Variants in CFAP77 observed in about 807,000 individuals in gnomAD.
The protein encoded by CFAP77 is cilia and flagella associated protein 77.
A neutral mutation model predicts 31.1 loss-of-function variants in CFAP77; 25 were observed. The observed-to-expected ratio is 0.80, with a 90% CI of 0.59 to 1.12. The LOEUF is 1.12. Ranked by LOEUF, CFAP77 falls within the 50% of genes most tolerant of loss-of-function variation. The probability of loss-of-function intolerance (pLI) is 0.00; values close to 1 mark genes in which losing one functional copy is unlikely to be tolerated. For synonymous variants in CFAP77, 151 were observed against 159.9 expected, an observed-to-expected ratio of 0.94 and a Z score of 0.42; for missense variants, 377 against 397.3, an observed-to-expected ratio of 0.95 and a Z score of 0.44.
intron 3 of CFAP77, among the ~76,000 whole-genome samples, chr9:132,515,840 G>C (rs924874212): frequency 1.3e-5 from 2 of 151,118 alleles, no homozygotes; most frequent in Admixed American, 6.6e-5. Flanking sequence ...TTTCTCCGTC[G>C]GTCAGTGGGA....
chr9:132,484,382 A>G (rs540268854), intron 1 of CFAP77, among the ~76,000 whole-genome samples: 1 of 152,344 alleles, frequency 6.6e-6, no homozygotes, highest in East Asian at 1.9e-4. Flanking sequence ...CCCAAAAGGA[A>G]GCTCTGTACC....
chr9:132,496,197 C>A (rs1029954862), intron 1 of CFAP77, among the ~76,000 whole-genome samples: 3 of 149,860 alleles, frequency 2.0e-5, no homozygotes, highest in African/African-American at 7.6e-5. Flanking sequence ...AATATAAAGT[C>A]TATTTTTTTA....
chr9:132,561,319 T>G (rs950161113), intron 5 of CFAP77, among the ~76,000 whole-genome samples: 20 of 151,942 alleles, frequency 1.3e-4, no homozygotes, highest in African/African-American at 4.8e-4. Context: ...TGTCATTATT[T>G]TTTTTTTTTA....
intron 1 of CFAP77, among the ~76,000 whole-genome samples, chr9:132,482,758 C>G (rs1851470196): frequency 1.6e-5 from 2 of 125,138 alleles, no homozygotes; most frequent in Non-Finnish European, 3.1e-5. Context: ...TTCTTAAGAA[C>G]ACATGGACAC....
intron 5 of CFAP77, among the ~76,000 whole-genome samples, chr9:132,544,946 C>T (rs1182049658): frequency 6.6e-6 from 1 of 152,104 alleles, no homozygotes; most frequent in African/African-American, 2.4e-5. Flanking sequence ...GCCCCCTCCT[C>T]TCTGATTTAG....
In CFAP77 at chr9:132,481,969, G is replaced by A. The variant is rs114337785; in HGVS notation, c.196-16726G>A. Among the ~76,000 whole-genome samples, 28,485 of 148,150 alleles carry A rather than the reference G, an allele frequency of 0.19. 3,746 individuals are homozygous for A. The highest frequency in any genetic ancestry group is 0.32 in the African/African-American group (12,895 of 40,054). On this transcript the variant is annotated intron_variant, in intron 1 of 5. Coordinates refer to ENST00000393216, the MANE Select transcript of CFAP77 (RefSeq NM_001282957.2). This position sits in a 1 kb window ranked among gnomAD's most constrained non-coding sequence, Gnocchi z 5.0. The stretch of plus-strand genomic sequence containing the variant: ...ACAAGGGTTTATGGTTGGGGGGGGG[G>A]GGGGCGGCGGAACACTGAACATTTT...
intron 3 of CFAP77, among the ~76,000 whole-genome samples, chr9:132,518,312 A>G (rs1210358981): frequency 1.3e-5 from 2 of 152,142 alleles, no homozygotes; most frequent in Non-Finnish European, 2.9e-5. Flanking sequence ...GCACAGCTTG[A>G]CCAAGCTACC....
chr9:132,508,576 T>A (rs1490667092), intron 3 of CFAP77, among the ~76,000 whole-genome samples: 3 of 151,896 alleles, frequency 2.0e-5, no homozygotes, highest in African/African-American at 7.3e-5. Context: ...GCCCTGGGAT[T>A]AGGACAGTGG....
At chr9:132,534,098 A>G (rs1351152273) in intron 3 of CFAP77, among the ~76,000 whole-genome samples, 1 of 152,148 alleles carries the variant, frequency 6.6e-6, no homozygotes, top group Admixed American at 6.6e-5. Context: ...TATATTTACC[A>G]CAATAATAAA....
intron 1 of CFAP77, among the ~76,000 whole-genome samples, chr9:132,460,812 G>A (rs1409532785): frequency 1.3e-5 from 2 of 152,198 alleles, no homozygotes; most frequent in East Asian, 1.9e-4. Context: ...TGCAACCTCC[G>A]CCTCCTGGGT....
chr9:132,563,736 C>T (rs912012212), intron 5 of CFAP77, among the ~76,000 whole-genome samples: 4 of 152,186 alleles, frequency 2.6e-5, no homozygotes, highest in African/African-American at 9.7e-5. Context: ...TGAACACACT[C>T]GCTGGTAGTG....
At chr9:132,500,453 G>A (rs1393845412) in intron 3 of CFAP77, among the ~76,000 whole-genome samples, 1 of 152,228 alleles carries the variant, frequency 6.6e-6, no homozygotes, top group African/African-American at 2.4e-5. Flanking sequence ...ATTAGCTACT[G>A]TTCATGTTAA....
At chr9:132,451,837 C>T (rs1850833351) in intron 1 of CFAP77, among the ~76,000 whole-genome samples, 1 of 150,402 alleles carries the variant, frequency 6.6e-6, no homozygotes, top group Non-Finnish European at 1.5e-5. Context: ...AGGAGTCTCA[C>T]TCTGTCGCCT....
In CFAP77 at chr9:132,440,271, C is replaced by T. The variant is rs181118404; in HGVS notation, c.195+29805C>T. On this transcript the variant is annotated intron_variant, in intron 1 of 5. Coordinates refer to ENST00000393216, the MANE Select transcript of CFAP77 (RefSeq NM_001282957.2). Reference sequence around the variant, plus strand: ...AGGATCGCTTGAACCCAGGAGGACGCGGCTACAGTGAGCCATGGTTACACC... The same window carrying T: ...AGGATCGCTTGAACCCAGGAGGACGTGGCTACAGTGAGCCATGGTTACACC... Among the ~76,000 whole-genome samples the T allele has an allele frequency of 5.5e-3, 835 of 151,702 alleles. 4 individuals are homozygous for T. Among genetic ancestry groups the T allele is most frequent in the Non-Finnish European group, 9.1e-3 (618 of 67,874 alleles).
At chr9:132,461,118 C>A (rs995649600) in intron 1 of CFAP77, among the ~76,000 whole-genome samples, 1 of 152,190 alleles carries the variant, frequency 6.6e-6, no homozygotes, top group Admixed American at 6.5e-5. Flanking sequence ...CAAAGCCCTC[C>A]GCACAGTGCC....
intron 3 of CFAP77, chr9:132,513,520 T>G: frequency 2.8e-6 from 2 of 713,118 alleles, no homozygotes; most frequent in Non-Finnish European, 4.4e-6. Flanking sequence ...TTTTGCTCTG[T>G]CGTTAGCGAT....
rs1024960069 is a variant in CFAP77, at chr9:132,499,072, G to C, written c.295+278G>C. 3.3e-5 allele frequency among the ~76,000 whole-genome samples: 5 copies of C among 152,170 alleles called. No homozygotes were observed. Among genetic ancestry groups the C allele is most frequent in the Admixed American group, 1.3e-4 (2 of 15,278 alleles). On this transcript the variant is annotated intron_variant, in intron 2 of 5. Coordinates refer to ENST00000393216, the MANE Select transcript of CFAP77 (RefSeq NM_001282957.2). The surrounding 1 kb of genome is among the most constrained non-coding windows in gnomAD (Gnocchi z 5.4). ...CGGCAGGGACTGTGTGCACTATGCT[G>C]CTCACGTTACAAGAATGGAATGAGA...
intron 5 of CFAP77, among the ~76,000 whole-genome samples, chr9:132,560,859 T>G (rs1385699314): frequency 1.3e-5 from 2 of 152,196 alleles, no homozygotes; most frequent in Non-Finnish European, 2.9e-5. Context: ...CATTAGACCT[T>G]GCAGGAAGGC....
intron 1 of CFAP77, among the ~76,000 whole-genome samples, chr9:132,432,103 A>G (rs1347893369): frequency 2.0e-5 from 3 of 152,206 alleles, no homozygotes; most frequent in Non-Finnish European, 2.9e-5. Flanking sequence ...GGGAACAACA[A>G]TTCAAATAAT....
Sources: gnomAD v4.1 joint callset for allele counts (sites outside exome capture counted in the v4.1 genomes callset) on GRCh38, gnomAD v4.1.1 for gene constraint, Gnocchi (gnomAD v3.1) non-coding constraint, MANE v1.5 for transcripts, NCBI Gene and HGNC (gene_info 2026-07-23, HGNC 2026-07-21) for gene names.